Variants in SIPA1L1 observed in about 807,000 individuals in gnomAD.
SIPA1L1 encodes the protein signal-induced proliferation-associated 1-like protein 1.
Under a neutral mutation model 162.7 loss-of-function variants are expected in SIPA1L1, and 26 were observed. The observed-to-expected ratio is 0.16, with a 90% CI of 0.12 to 0.22. The LOEUF (loss-of-function observed/expected upper bound fraction) is 0.22. Among genes scored for constraint, SIPA1L1 ranks in the 10% least tolerant of loss-of-function variants. The pLI is 1.00. For missense variants in SIPA1L1, 1,874 were observed against 2,241.0 expected (o/e 0.84, Z 3.31); for synonymous variants, 829 against 837.4 (o/e 0.99, Z 0.17).
intron 4 of SIPA1L1, among the ~76,000 whole-genome samples, chr14:71,532,611 G>A (rs2053548706): frequency 6.6e-6 from 1 of 152,140 alleles, no homozygotes; most frequent in African/African-American, 2.4e-5. Context: ...AATACTACAT[G>A]AATCATCTAA....
At position 71,709,511 on chromosome 14, in the gene SIPA1L1, C is replaced by A; in HGVS notation, c.4055C>A (p.Ala1352Glu). ...WHSSSEVISM[A>E]DRTLETESHG... ...AGCTCCAGTGAAGTAATCTCCATGG[C>A]AGATCGGACTTTGGAGACAGAGAGC... Residue 1352 changes from alanine (A) to glutamate (E), a missense_variant, in exon 17 of 24, where the codon GCA becomes GAA. Ala to Glu is a moderately radical substitution (Grantham distance 107). Coordinates refer to ENST00000381232, the MANE Select transcript of SIPA1L1 (RefSeq NM_001386936.1). 6.2e-7 allele frequency: 1 copy of A among 1,614,208 alleles called. No individual in the cohort carries two copies. The highest frequency in any genetic ancestry group is 8.5e-7 in the Non-Finnish European group (1 of 1,180,026).
intron 2 of SIPA1L1, among the ~76,000 whole-genome samples, chr14:71,406,003 A>C (rs1429782276): frequency 6.6e-6 from 1 of 152,254 alleles, no homozygotes; most frequent in Non-Finnish European, 1.5e-5. Flanking sequence ...GGCAGAAAGA[A>C]GATTAATGAG....
In SIPA1L1 at chr14:71,591,240, A is replaced by G. The variant is rs1399188854; in HGVS notation, c.1498+1870A>G. On this transcript the variant is annotated intron_variant, in intron 5 of 23. Transcript: ENST00000381232. The stretch of plus-strand genomic sequence containing the variant: ...GGCATTTGCTATGCCACATTTTCTC[A>G]TTTCAATCTCTTGATGCCCAGGAAG... Among the ~76,000 whole-genome samples, 5 of 152,204 alleles carry G rather than the reference A, an allele frequency of 3.3e-5. No homozygotes were observed. The East Asian group carries it at 9.6e-4, about 29-fold the overall frequency.
intron 13 of SIPA1L1, among the ~76,000 whole-genome samples, chr14:71,691,334 A>G (rs979912370): frequency 1.3e-5 from 2 of 152,186 alleles, no homozygotes; most frequent in African/African-American, 4.8e-5. Context: ...GTTTATGCCT[A>G]TAATCCCACC....
chr14:71,474,200 T>C (rs2047678413), intron 2 of SIPA1L1, among the ~76,000 whole-genome samples: 1 of 152,234 alleles, frequency 6.6e-6, no homozygotes, highest in Non-Finnish European at 1.5e-5. Flanking sequence ...AAATGAGCCG[T>C]AAATAGTTGG....
At chr14:71,499,395 T>A (rs533741187) in intron 2 of SIPA1L1, among the ~76,000 whole-genome samples, 26 of 152,316 alleles carry the variant, frequency 1.7e-4, no homozygotes, top group African/African-American at 5.5e-4. Context: ...TTCCTATGTA[T>A]GTAATTTATA....
At chr14:71,692,387 A>G (rs1019479469) in intron 13 of SIPA1L1, among the ~76,000 whole-genome samples, 2 of 152,198 alleles carry the variant, frequency 1.3e-5, no homozygotes, top group Non-Finnish European at 2.9e-5. Flanking sequence ...GACTCCTTCA[A>G]AAGGTTTTAG....
chr14:71,332,963 T>G (rs1342147972), intron 2 of SIPA1L1, among the ~76,000 whole-genome samples: 1 of 152,204 alleles, frequency 6.6e-6, no homozygotes, highest in African/African-American at 2.4e-5. Flanking sequence ...TTTAGAGTAT[T>G]TGTTTTTAAC....
chr14:71,386,423 C>T (rs904505202), intron 2 of SIPA1L1, among the ~76,000 whole-genome samples: 2 of 152,184 alleles, frequency 1.3e-5, no homozygotes, highest in African/African-American at 4.8e-5. Context: ...CTGCCTTTCC[C>T]AGTCCACTGA....
intron 4 of SIPA1L1, among the ~76,000 whole-genome samples, chr14:71,570,233 TC>T (rs1338394199): frequency 1.3e-5 from 2 of 151,722 alleles, no homozygotes; most frequent in African/African-American, 4.8e-5. Flanking sequence ...CTATTTTTTT[TC>T]TTTTTTCTTT....
At position 71,587,724 on chromosome 14, in the gene SIPA1L1, G is replaced by A. The variant is rs77134599; in HGVS notation, c.-149G>A. 78 of 741,646 alleles carry A rather than the reference G, an allele frequency of 1.1e-4. No individual in the cohort carries two copies. The East Asian group carries it at 1.6e-3, about 16-fold the overall frequency. 45.9% of individuals were successfully genotyped at this position (741,646 alleles called of 1,614,324 possible). Reference sequence around the variant, plus strand: ...AATTTTTCAGTGCTTTACAAATAAAGCATCATTTAACCTTTTAAATGAAAA... The same window carrying A: ...AATTTTTCAGTGCTTTACAAATAAAACATCATTTAACCTTTTAAATGAAAA... On this transcript the variant is annotated 5_prime_UTR_variant, in exon 5 of 24. Transcript: ENST00000381232.
At chr14:71,481,155 C>T (rs929812017) in intron 2 of SIPA1L1, among the ~76,000 whole-genome samples, 1 of 152,096 alleles carries the variant, frequency 6.6e-6, no homozygotes, top group Non-Finnish European at 1.5e-5. Context: ...TTCTGAACCC[C>T]TTGCATAAGT....
At chr14:71,531,115 C>T (rs1199850430) in intron 4 of SIPA1L1, among the ~76,000 whole-genome samples, 1 of 152,114 alleles carries the variant, frequency 6.6e-6, no homozygotes, top group African/African-American at 2.4e-5. Flanking sequence ...TCTACTTCTA[C>T]ACTCCTGTGC....
rs562865333 is a variant in SIPA1L1, at chr14:71,569,738, A to G, written c.-302-17833A>G. Among the ~76,000 whole-genome samples, 406 of 152,338 alleles carry G rather than the reference A, an allele frequency of 2.7e-3. 4 individuals carry two copies. Among genetic ancestry groups the G allele is most frequent in the Middle Eastern group, 6.8e-3 (2 of 294 alleles). Reference sequence around the variant, plus strand: ...AGCCAAGACAACACTCGTTCCCACAAGTAGGCTGGTGTGGTGTTGCCCATG... The same window carrying G: ...AGCCAAGACAACACTCGTTCCCACAGGTAGGCTGGTGTGGTGTTGCCCATG... On this transcript the variant is annotated intron_variant, in intron 4 of 23. Transcript: ENST00000381232.
At chr14:71,726,666 A>C (rs903522487) in intron 19 of SIPA1L1, among the ~76,000 whole-genome samples, 2 of 152,232 alleles carry the variant, frequency 1.3e-5, no homozygotes, top group African/African-American at 2.4e-5. Flanking sequence ...CTCCGCGAAG[A>C]AAGTGCTTCT....
intron 12 of SIPA1L1, among the ~76,000 whole-genome samples, chr14:71,679,168 G>T (rs1017682876): frequency 2.6e-5 from 4 of 152,182 alleles, no homozygotes; most frequent in Admixed American, 2.0e-4. Flanking sequence ...AGGAAAAAGT[G>T]TTAAGGGCAG....
At position 71,624,743 on chromosome 14, in the gene SIPA1L1, CAGTT is replaced by C. The variant is rs112256268; in HGVS notation, c.1818+511_1818+514del. On this transcript the variant is annotated intron_variant, in intron 7 of 23. Transcript: ENST00000381232. ...ATTAAGTAATAAATCCAATTTCACA[CAGTT>C]AGTAAGTTTTGGAACCAGGGTGCAA... Among the ~76,000 whole-genome samples the C allele has an allele frequency of 5.7e-4, 87 of 152,238 alleles. 2 individuals are homozygous for C. Among genetic ancestry groups the C allele is most frequent in the African/African-American group, 2.0e-3 (83 of 41,548 alleles).
At chr14:71,323,632 T>A (rs1013449865) in intron 2 of SIPA1L1, among the ~76,000 whole-genome samples, 1 of 149,752 alleles carries the variant, frequency 6.7e-6, no homozygotes, top group Non-Finnish European at 1.5e-5. Flanking sequence ...TAGAGCACAC[T>A]TTTTTTTTTC....
chr14:71,478,937 T>C (rs2048101030), intron 2 of SIPA1L1, among the ~76,000 whole-genome samples: 1 of 151,930 alleles, frequency 6.6e-6, no homozygotes, highest in South Asian at 2.1e-4. Flanking sequence ...TGCCTTGGAT[T>C]GGGAAGCAAG....
Sources: allele counts gnomAD v4.1 joint callset (sites outside exome capture counted in the v4.1 genomes callset), GRCh38; gene constraint gnomAD v4.1.1; transcripts MANE v1.5; gene names NCBI Gene and HGNC (gene_info 2026-07-23, HGNC 2026-07-21).